FAM186A: variants seen among roughly 807,000 people sequenced by gnomAD.
FAM186A encodes the protein family with sequence similarity 186 member A.
Under a neutral mutation model 216.8 loss-of-function variants are expected in FAM186A, and 163 were observed. That is an observed-to-expected ratio of 0.75 (90% CI 0.66 to 0.86). FAM186A has a LOEUF of 0.86. Ranked by LOEUF, FAM186A falls within the 40% of genes least tolerant of loss-of-function variation. FAM186A has a pLI of 0.00. For missense variants in FAM186A, 2,184 were observed against 2,746.2 expected (o/e 0.80, Z 4.58); for synonymous variants, 805 against 1,025.3 (o/e 0.79, Z 4.10).
chr12:50,350,364 G>T lies in FAM186A; in HGVS notation c.6468C>A (p.Arg2156=). The T allele has an allele frequency of 6.5e-7, 1 of 1,550,386 alleles. No individual in the cohort carries two copies. Among genetic ancestry groups the T allele is most frequent in the South Asian group, 1.2e-5 (1 of 83,892 alleles). The change falls in exon 4 of 8, where the codon CGC becomes CGA. Residue 2156 remains arginine, a synonymous_variant. Coordinates refer to ENST00000327337, the MANE Select transcript of FAM186A (RefSeq NM_001145475.3). ...GGATCAGCCTATAGGCAATGTACTT[G>T]CGGAATAAGTATCCCAACTGAACTG... ...MDTVQLGYLF[R]KYIAYRLIQH...
chr12:50,391,737 C>CCCA (rs1943359211), intron 1 of FAM186A, among the ~76,000 whole-genome samples: 1 of 152,196 alleles, frequency 6.6e-6, no homozygotes, highest in African/African-American at 2.4e-5. Context: ...TCCCAAGTAG[C>CCCA]TGGGATTACA....
chr12:50,343,650 G>A (rs1942785147), intron 4 of FAM186A, among the ~76,000 whole-genome samples: 1 of 151,452 alleles, frequency 6.6e-6, no homozygotes, highest in African/African-American at 2.4e-5. Flanking sequence ...ACGGAGTCTC[G>A]CTCCGTCACC....
intron 4 of FAM186A, among the ~76,000 whole-genome samples, chr12:50,348,847 C>T (rs1287983378): frequency 3.9e-5 from 6 of 152,228 alleles, no homozygotes; most frequent in African/African-American, 9.6e-5. Flanking sequence ...TGAGCAACCA[C>T]GCGTGGCCAT....
chr12:50,373,014 A>C (rs397850485), intron 1 of FAM186A, among the ~76,000 whole-genome samples: 1 of 119,088 alleles, frequency 8.4e-6, no homozygotes, highest in African/African-American at 3.3e-5. Context: ...AAAGAAAGAA[A>C]GAAAGAAAGA....
chr12:50,385,352 A>G (rs1438030153), intron 1 of FAM186A, among the ~76,000 whole-genome samples: 1 of 145,496 alleles, frequency 6.9e-6, no homozygotes, highest in Non-Finnish European at 1.5e-5. Context: ...TGGGAGGCAG[A>G]GGTTGCAGTG....
rs527763933 is a variant in FAM186A, at chr12:50,348,394, A to AT, written c.6503+1934dup. Among the ~76,000 whole-genome samples the AT allele has an allele frequency of 6.2e-5, 9 of 145,738 alleles. No homozygotes were observed. The South Asian group carries it at 1.3e-3, about 21-fold the overall frequency. ...CCATGTTGGCCAGCTGATTTTTTGT[A>AT]TTTTTTTTAATAGAGATGAGGTTTC... On this transcript the variant is annotated intron_variant, in intron 4 of 7. Transcript: ENST00000327337.
chr12:50,353,936 T>C lies in FAM186A; in HGVS notation c.2896A>G (p.Lys966Glu). The stretch of plus-strand genomic sequence containing the variant: ...CCTCTCTCTGGCTTCTGCTTTTCCT[T>C]CCCTTTCTCCCTTCTCCTGTGTGGC... ...LGPHRRREKG[K>E]EKQKPERGLE... The change falls in exon 4 of 8, where the codon AAG becomes GAG. Residue 966 changes from lysine (K) to glutamate (E), a missense_variant. Transcript: ENST00000327337. 1 of 1,553,588 alleles carries C rather than the reference T, an allele frequency of 6.4e-7. No individual in the cohort carries two copies.
Position 50,353,973 on chromosome 12 carries a change from C to T in FAM186A, c.2859G>A (p.Ala953=), listed in dbSNP as rs566857221. 100 of 1,552,692 alleles carry T rather than the reference C, an allele frequency of 6.4e-5. No homozygotes were observed. Among genetic ancestry groups the T allele is most frequent in the Admixed American group, 2.2e-4 (11 of 51,042 alleles). Residue 953 remains alanine, a synonymous_variant, in exon 4 of 8, where the codon GCG becomes GCA. Transcript: ENST00000327337. ...NGQMRQIQKE[A]KHLGPHRRRE... is the part of the protein sequence containing the mutation. Reference sequence around the variant, plus strand: ...TTCTCCTGTGTGGCCCCAAATGTTTCGCTTCCTTCTGAATCTGCCTCATCT... The same window carrying T: ...TTCTCCTGTGTGGCCCCAAATGTTTTGCTTCCTTCTGAATCTGCCTCATCT...
At chr12:50,335,581 TTGCAGTGAGCCGAGATCG>T (rs1199025610) in intron 4 of FAM186A, among the ~76,000 whole-genome samples, 1 of 151,068 alleles carries the variant, frequency 6.6e-6, no homozygotes, top group Non-Finnish European at 1.5e-5. Flanking sequence ...GCAACAGAGG[TTGCAGTGAGCCGAGATCG>T]TGCCACTGCA....
At chr12:50,363,479 G>A (rs1408589380) in intron 1 of FAM186A, 115 bp from the exon 2 acceptor site, 1 of 905,668 alleles carries the variant, frequency 1.1e-6, no homozygotes, top group South Asian at 2.0e-5. Context: ...TTAAAGTCTT[G>A]CTAATTCTAG....
intron 1 of FAM186A, among the ~76,000 whole-genome samples, chr12:50,386,907 T>G (rs75818077): frequency 0.11 from 17,000 of 151,838 alleles, 1,938 homozygotes; most frequent in East Asian, 0.51. Context: ...ACTTATGATT[T>G]CATCCCAGAT....
rs559024597 is a variant in FAM186A at position 50,354,042 on chromosome 12, T to C, written c.2790A>G (p.Gln930=). Reference sequence around the variant, plus strand: ...AGAGCAACCCTTGTGTTTTCATTTTTTGGGTCCCTTCTTCCAGCCGCTGCA... The same window carrying C: ...AGAGCAACCCTTGTGTTTTCATTTTCTGGGTCCCTTCTTCCAGCCGCTGCA... ...SSLQRLEEGT[Q]KMKTQGLLLE... Residue 930 remains glutamine, a synonymous_variant, in exon 4 of 8, where the codon CAA becomes CAG. Transcript: ENST00000327337. The C allele has an allele frequency of 4.5e-6, 7 of 1,551,794 alleles. No individual in the cohort carries two copies. In the African/African-American group the frequency reaches 9.6e-5, roughly 21 times the overall value.
intron 1 of FAM186A, among the ~76,000 whole-genome samples, chr12:50,369,455 C>T (rs1375726336): frequency 2.2e-5 from 3 of 139,516 alleles, no homozygotes; most frequent in African/African-American, 5.4e-5. Context: ...CGAGCCACTG[C>T]ACTCCAGCCT....
chr12:50,383,314 A>G (rs1033182502), intron 1 of FAM186A, among the ~76,000 whole-genome samples: 2 of 147,358 alleles, frequency 1.4e-5, no homozygotes, highest in East Asian at 4.2e-4. Context: ...AAACGGCTGG[A>G]AGCGGTGGCT....
chr12:50,333,206 A>G (rs938466262), intron 5 of FAM186A, among the ~76,000 whole-genome samples: 1 of 152,182 alleles, frequency 6.6e-6, no homozygotes, highest in Non-Finnish European at 1.5e-5. Flanking sequence ...CAGATATAAA[A>G]TGTTTCTAGA....
In FAM186A at chr12:50,353,661, G is replaced by A. The variant is rs114068371; in HGVS notation, c.3171C>T (p.Ser1057=). 3.2e-3 allele frequency: 4,951 copies of A among 1,537,640 alleles called. 130 individuals carry two copies. In the African/African-American group the frequency reaches 0.06, roughly 19 times the overall value. ...CAGAAATAGGAAGAGCTCCAGGCAG[G>A]GAGTATTGTAGGGAGGGGGGAGGTG... The part of the protein sequence containing the change: ...SITPPPSLQY[S]LPGALPISGQ... Residue 1057 remains serine, a synonymous_variant, in exon 4 of 8, where the codon TCC becomes TCT. Coordinates refer to ENST00000327337, the MANE Select transcript of FAM186A (RefSeq NM_001145475.3).
At chr12:50,394,748 T>TTTTTTTTTTTTTTTTG (rs1943397104) in intron 1 of FAM186A, among the ~76,000 whole-genome samples, 1 of 134,294 alleles carries the variant, frequency 7.4e-6, no homozygotes, top group Admixed American at 7.8e-5. Flanking sequence ...TTTTTTTTTT[T>TTTTTTTTTTTTTTTTG]TTTTTTTTTT....
chr12:50,347,465 TCA>T (rs1942830970), intron 4 of FAM186A, among the ~76,000 whole-genome samples: 1 of 151,972 alleles, frequency 6.6e-6, no homozygotes, highest in African/African-American at 2.4e-5. Flanking sequence ...GCGCGGTGGC[TCA>T]CACCTGTAAT....
At chr12:50,387,499 G>C (rs570637707) in intron 1 of FAM186A, among the ~76,000 whole-genome samples, 1 of 152,198 alleles carries the variant, frequency 6.6e-6, no homozygotes, top group African/African-American at 2.4e-5. Flanking sequence ...TCAATAAAGA[G>C]AGGGAGATCT....
Sources: gnomAD v4.1 joint callset for allele counts (sites outside exome capture counted in the v4.1 genomes callset) on GRCh38, gnomAD v4.1.1 for gene constraint, MANE v1.5 for transcripts, NCBI Gene and HGNC (gene_info 2026-07-23, HGNC 2026-07-21) for gene names.